Variants in ZNF414 observed in about 807,000 individuals in gnomAD.
ZNF414 encodes zinc finger protein 414.
In ZNF414, 32 loss-of-function variants were observed where a neutral mutation model predicts 38.3. The ratio of observed to expected loss-of-function variants is 0.83; its 90% CI spans 0.63 to 1.12. ZNF414 has a LOEUF of 1.12. Ranked by LOEUF, ZNF414 falls within the 50% of genes most tolerant of loss-of-function variation. The probability of loss-of-function intolerance (pLI) is 0.00; values close to 1 mark genes in which losing one functional copy is unlikely to be tolerated. For missense variants in ZNF414, 589 were observed against 557.4 expected (o/e 1.06, Z -0.57); for synonymous variants, 256 against 248.0 (o/e 1.03, Z -0.30).
Position 8,511,075 on chromosome 19 carries a change from C to G in ZNF414, c.926-51G>C, listed in dbSNP as rs892581164. 1.1e-5 allele frequency: 14 copies of G among 1,286,276 alleles called. No homozygotes were observed. In the Admixed American group the frequency reaches 1.5e-4, roughly 14 times the overall value. The allele number at this position is 1,286,276 out of a possible 1,614,324, so 79.7% of individuals were successfully genotyped here. A position where few individuals can be genotyped will look rare whatever the true frequency, so the allele number is the denominator to read the frequency against. ...TCCCGGGCTCCCCCAGCCCAGAAGACCCGTGCGCCAAGGATGGAGGACGCC... is the reference window on the plus strand; with the variant it reads ...TCCCGGGCTCCCCCAGCCCAGAAGAGCCGTGCGCCAAGGATGGAGGACGCC... On this transcript the variant is annotated intron_variant, in intron 6 of 7. Coordinates refer to ENST00000393927, the MANE Select transcript of ZNF414 (RefSeq NM_001146175.2).
chr19:8,511,220 C>A, intron 6 of ZNF414, 196 bp from the exon 7 acceptor site: 1 of 1,337,632 alleles, frequency 7.5e-7, no homozygotes, highest in Non-Finnish European at 9.6e-7. Flanking sequence ...TCCGCGTCCC[C>A]TACTATCATC....
At chr19:8,511,272 G>C in intron 6 of ZNF414, 3 of 1,399,808 alleles carry the variant, frequency 2.1e-6, no homozygotes, top group Non-Finnish European at 2.8e-6. Context: ...CGAGGTGAAC[G>C]GTGAAAGGGG....
In ZNF414 at chr19:8,511,618, T is replaced by C. The variant is rs1386629053; in HGVS notation, c.873A>G (p.Gln291=). 6.6e-7 allele frequency: 1 copy of C among 1,514,620 alleles called. No homozygotes were observed. The highest frequency in any genetic ancestry group is 8.8e-7 in the Non-Finnish European group (1 of 1,135,050). 93.8% of individuals were successfully genotyped at this position (1,514,620 alleles called of 1,614,324 possible). Residue 291 remains glutamine, a splice_region_variant and synonymous_variant, in exon 5 of 8, where the codon CAA becomes CAG. Coordinates refer to ENST00000393927, the MANE Select transcript of ZNF414 (RefSeq NM_001146175.2). ...ASSAAVWKKS[Q]GAGSSPRRPQ... ...GGAGGCCCCCGACCCCACACTCACCTTGGCTCTTTTTCCAGACGGCGGCGC... is the reference window on the plus strand; with the variant it reads ...GGAGGCCCCCGACCCCACACTCACCCTGGCTCTTTTTCCAGACGGCGGCGC...
chr19:8,513,114 A>G lies in ZNF414; in HGVS notation c.231T>C (p.Pro77=). 1.3e-6 allele frequency: 2 copies of G among 1,537,274 alleles called. No individual in the cohort carries two copies. The highest frequency in any genetic ancestry group is 1.7e-6 in the Non-Finnish European group (2 of 1,143,902). Residue 77 remains proline, a synonymous_variant, in exon 2 of 8, where the codon CCT becomes CCC. Coordinates refer to ENST00000393927, the MANE Select transcript of ZNF414 (RefSeq NM_001146175.2). The part of the protein sequence containing the change: ...GSSPAPDSCQ[P]GPGPSPGLTS... Reference sequence around the variant, plus strand: ...TCAGGCCAGGGCTGGGTCCGGGGCCAGGCTGGCAGCTGTCTGGGGCTGGGG... The same window carrying G: ...TCAGGCCAGGGCTGGGTCCGGGGCCGGGCTGGCAGCTGTCTGGGGCTGGGG...
At chr19:8,512,984 T>C (rs2967578) in intron 2 of ZNF414, 45 bp downstream of exon 2, 246,217 of 1,428,218 alleles carry the variant, frequency 0.17, 22,129 homozygotes, top group African/African-American at 0.29. Context: ...TCGCTTCTAT[T>C]GTTTCAGGGA....
At chr19:8,512,253 G>T (rs1599891641) in intron 4 of ZNF414, 134 bp downstream of exon 4, 2 of 1,461,518 alleles carry the variant, frequency 1.4e-6, no homozygotes, top group Non-Finnish European at 1.8e-6. Flanking sequence ...GGGAGTTGAG[G>T]GCGGGGCTTC....
Position 8,512,417 on chromosome 19 carries a change from T to C in ZNF414, c.500A>G (p.Lys167Arg), listed in dbSNP as rs373166692. The change falls in exon 4 of 8, where the codon AAA becomes AGA. Residue 167 changes from lysine to arginine, a missense_variant. Lys to Arg is a conservative substitution (Grantham distance 26). Transcript: ENST00000393927. ...GTAGCGATTGGGTTTGTAGTGCAGTTTGCTGTGAGCCACCAGCTCCTGCAT... is the reference window on the plus strand; with the variant it reads ...GTAGCGATTGGGTTTGTAGTGCAGTCTGCTGTGAGCCACCAGCTCCTGCAT... Reference protein sequence around the residue: ...PSMQELVAHSKLHYKPNRYFK... With the variant: ...PSMQELVAHSRLHYKPNRYFK... 2.7e-5 allele frequency: 44 copies of C among 1,613,586 alleles called. No individual in the cohort carries two copies. The highest frequency in any genetic ancestry group is 3.6e-5 in the Non-Finnish European group (43 of 1,179,990).
Position 8,512,555 on chromosome 19 carries a change from G to A in ZNF414, c.424+49C>T, listed in dbSNP as rs201416286. The A allele has an allele frequency of 2.6e-5, 41 of 1,607,392 alleles. No individual in the cohort carries two copies. The East Asian group carries it at 5.6e-4, about 22-fold the overall frequency. ...GCCAAGGCTGGCTCCGAGGGGCTCC[G>A]CCTGTTTCCCACCCTAACCTGCCTC... On this transcript the variant is annotated intron_variant, in intron 3 of 7. Coordinates refer to ENST00000393927, the MANE Select transcript of ZNF414 (RefSeq NM_001146175.2).
chr19:8,513,024 A>G lies in ZNF414; in HGVS notation c.316+5T>C. The G allele has an allele frequency of 6.9e-7, 1 of 1,453,500 alleles. No homozygotes were observed. The highest frequency in any genetic ancestry group is 2.5e-5 in the East Asian group (1 of 39,434). 90.0% of individuals were successfully genotyped at this position (1,453,500 alleles called of 1,614,324 possible). ...GATTCCCCAGAAGACCCCATCACAG[A>G]TCACCTGGAGGTGGGCGTCGTCTGG... On this transcript the variant is annotated splice_donor_5th_base_variant and intron_variant, in intron 2 of 7. Coordinates refer to ENST00000393927, the MANE Select transcript of ZNF414 (RefSeq NM_001146175.2).
At chr19:8,513,375 GGGCTCTGGGTCAACCCAGTC>G in intron 1 of ZNF414, 34 bp from the exon 2 acceptor site, 1 of 1,532,866 alleles carries the variant, frequency 6.5e-7, no homozygotes, top group Non-Finnish European at 8.7e-7. Flanking sequence ...GAACCCTTCT[GGGCTCTGGGTCAACCCAGTC>G]GGCCCCCATC....
chr19:8,512,218 GC>G, intron 4 of ZNF414, 168 bp downstream of exon 4: 1 of 1,422,954 alleles, frequency 7.0e-7, no homozygotes, highest in Non-Finnish European at 9.3e-7. Flanking sequence ...GTGGGGCCAC[GC>G]CCACGTATGC....
rs750663859 is a variant in ZNF414, at chr19:8,513,245, C to T, written c.100G>A (p.Ala34Thr). The change falls in exon 2 of 8, where the codon GCT (alanine) becomes ACT (threonine). Residue 34 changes from alanine (A) to threonine (T), a missense_variant. Physicochemically the swap from Ala to Thr is moderately conservative, Grantham distance 58. Coordinates refer to ENST00000393927, the MANE Select transcript of ZNF414 (RefSeq NM_001146175.2). Reference protein sequence around the residue: ...DKEVLSPAVPAAAPSSSMSEE... With the variant: ...DKEVLSPAVPTAAPSSSMSEE... ...GACATGGAGGAGGAAGGGGCTGCAGCTGGCACAGCCGGGGACAACACCTCC... is the reference window on the plus strand; with the variant it reads ...GACATGGAGGAGGAAGGGGCTGCAGTTGGCACAGCCGGGGACAACACCTCC... 6.3e-7 allele frequency: 1 copy of T among 1,590,788 alleles called. No homozygotes were observed. Among genetic ancestry groups the T allele is most frequent in the Non-Finnish European group, 8.5e-7 (1 of 1,175,648 alleles).
rs977794453 is a variant in ZNF414, at chr19:8,512,419, G to A, written c.498C>T (p.Ser166=). The change falls in exon 4 of 8, where the codon AGC becomes AGT. Residue 166 remains serine, a synonymous_variant. Transcript: ENST00000393927. ...FPSMQELVAH[S]KLHYKPNRYF... Reference sequence around the variant, plus strand: ...AGCGATTGGGTTTGTAGTGCAGTTTGCTGTGAGCCACCAGCTCCTGCATGC... The same window carrying A: ...AGCGATTGGGTTTGTAGTGCAGTTTACTGTGAGCCACCAGCTCCTGCATGC... 8.7e-6 allele frequency: 14 copies of A among 1,614,094 alleles called. No individual in the cohort carries two copies. The Middle Eastern group carries it at 4.9e-4, about 57-fold the overall frequency.
At chr19:8,511,400 A>G in intron 6 of ZNF414, 86 bp downstream of exon 6, 1 of 1,545,854 alleles carries the variant, frequency 6.5e-7, no homozygotes, top group Non-Finnish European at 8.7e-7. Flanking sequence ...GGGGATGAGC[A>G]CTGCTGCCTC....
chr19:8,513,170 C>A lies in ZNF414; in HGVS notation c.175G>T (p.Gly59Ter). ...QAATPPVWER[G>*]GAGGMQQGSS... Reference sequence around the variant, plus strand: ...CCCTGCTGCATCCCTCCAGCCCCTCCACGTTCCCACACTGGCGGTGTGGCT... The same window carrying A: ...CCCTGCTGCATCCCTCCAGCCCCTCAACGTTCCCACACTGGCGGTGTGGCT... The change falls in exon 2 of 8, where the codon GGA (glycine) becomes TGA (stop). Residue 59 changes from glycine (G) to a stop codon, truncating the protein, a stop_gained. Coordinates refer to ENST00000393927, the MANE Select transcript of ZNF414 (RefSeq NM_001146175.2). LOFTEE classifies it high-confidence loss of function. 6.4e-7 allele frequency: 1 copy of A among 1,554,520 alleles called. No homozygotes were observed. The highest frequency in any genetic ancestry group is 8.7e-7 in the Non-Finnish European group (1 of 1,155,206).
At chr19:8,513,984 G>T (rs1971955156) in intron 1 of ZNF414, 60 bp downstream of exon 1, 3 of 1,390,716 alleles carry the variant, frequency 2.2e-6, no homozygotes, top group Non-Finnish European at 2.8e-6. Flanking sequence ...GGCGCGACAG[G>T]GCCGCTCCCC....
At chr19:8,513,460 C>T (rs1971947648) in intron 1 of ZNF414, 119 bp from the exon 2 acceptor site, 4 of 959,580 alleles carry the variant, frequency 4.2e-6, no homozygotes, top group Admixed American at 3.3e-5. Context: ...GGACTAAGCT[C>T]TTTTTTTCTT....
At chr19:8,511,443 A>G (rs763803572) in intron 6 of ZNF414, 43 bp downstream of exon 6, 1 of 1,603,288 alleles carries the variant, frequency 6.2e-7, no homozygotes, top group Non-Finnish European at 8.5e-7. Flanking sequence ...GGGCGCAGGA[A>G]AGAAAGCCCC....
At chr19:8,512,322 A>C in intron 4 of ZNF414, 65 bp downstream of exon 4, 1 of 1,586,188 alleles carries the variant, frequency 6.3e-7, no homozygotes, top group Non-Finnish European at 8.7e-7. Context: ...GAAGGGAGGA[A>C]GGCCTGGAGC....
Sources: allele counts gnomAD v4.1 joint callset, GRCh38; gene constraint gnomAD v4.1.1; transcripts MANE v1.5; gene names NCBI Gene and HGNC (gene_info 2026-07-23, HGNC 2026-07-21).